EP400: variants seen among roughly 807,000 people sequenced by gnomAD.
EP400 encodes E1A binding protein p400.
A neutral mutation model predicts 354.1 loss-of-function variants in EP400; 105 were observed. The observed-to-expected ratio is 0.30, with a 90% CI of 0.25 to 0.35. The LOEUF is 0.35. Ranked by LOEUF, EP400 falls within the 10% of genes least tolerant of loss-of-function variation. The pLI is 1.00. For missense variants in EP400, 3,280 were observed against 4,121.0 expected, an observed-to-expected ratio of 0.80 and a Z score of 5.59; for synonymous variants, 1,646 against 1,716.9, an observed-to-expected ratio of 0.96 and a Z score of 1.02.
chr12:131,977,750 A>T (rs1892534012), intron 2 of EP400, among the ~76,000 whole-genome samples: 1 of 152,058 alleles, frequency 6.6e-6, no homozygotes, highest in Admixed American at 6.6e-5. Flanking sequence ...GGTTAAATGT[A>T]AACGGCAGTG....
rs1894027263 is a variant in EP400, at chr12:132,018,788, T to A, written c.4277+412T>A. On this transcript the variant is annotated intron_variant, in intron 21 of 52. Transcript: ENST00000389561. The surrounding 1 kb of genome is among the most constrained non-coding windows in gnomAD (Gnocchi z 4.0). Reference sequence around the variant, plus strand: ...GTGAGTGATTCTGAAGTGATGCTTTTGCGGGTGTCATGAGGCTGGGAGGGA... The same window carrying A: ...GTGAGTGATTCTGAAGTGATGCTTTAGCGGGTGTCATGAGGCTGGGAGGGA... 6.6e-6 allele frequency among the ~76,000 whole-genome samples: 1 copy of A among 152,206 alleles called. No individual in the cohort carries two copies. The highest frequency in any genetic ancestry group is 2.1e-4 in the South Asian group (1 of 4,824).
chr12:132,061,005 A>T (rs1355988984), intron 45 of EP400, among the ~76,000 whole-genome samples: 1 of 152,162 alleles, frequency 6.6e-6, no homozygotes, highest in Non-Finnish European at 1.5e-5. Flanking sequence ...ACTGAATGAT[A>T]TGCTTTAAGC....
chr12:132,053,697 T>G, intron 43 of EP400, 100 bp downstream of exon 43: 1 of 1,301,222 alleles, frequency 7.7e-7, no homozygotes, highest in South Asian at 1.7e-5. Context: ...TTGTTGCCAG[T>G]TCTAGCACAT....
intron 29 of EP400, 102 bp from the exon 30 acceptor site, chr12:132,031,851 G>A (rs939644490): frequency 4.8e-5 from 62 of 1,290,840 alleles, no homozygotes; most frequent in African/African-American, 1.8e-4. Flanking sequence ...CGCCACGCCC[G>A]GCCTGCTGTG....
intron 19 of EP400, among the ~76,000 whole-genome samples, chr12:132,016,994 C>A (rs1027521632): frequency 1.3e-5 from 2 of 152,224 alleles, no homozygotes; most frequent in Admixed American, 6.5e-5. Flanking sequence ...GTGCTCACAC[C>A]AGAGAGCTAC....
At chr12:132,048,317 C>T (rs1316265726) in intron 39 of EP400, among the ~76,000 whole-genome samples, 4 of 152,050 alleles carry the variant, frequency 2.6e-5, no homozygotes, top group East Asian at 3.8e-4. Context: ...TAAAGACAGG[C>T]GTAAGAAATT....
Position 132,077,774 on chromosome 12 carries a change from C to T in EP400, c.*101C>T. The T allele has an allele frequency of 3.0e-6, 4 of 1,337,258 alleles. No individual in the cohort carries two copies. The highest frequency in any genetic ancestry group is 1.5e-5 in the South Asian group (1 of 67,028). The allele number at this position is 1,337,258 out of a possible 1,614,324, so 82.8% of individuals were successfully genotyped here. A position where few individuals can be genotyped will look rare whatever the true frequency, so the allele number is the denominator to read the frequency against. On this transcript the variant is annotated 3_prime_UTR_variant, in exon 53 of 53. Transcript: ENST00000389561. Reference sequence around the variant, plus strand: ...GGACCATGTCACGCAAGAGATTCAGCACTGGGAAAGATATAATTGAAACAA... The same window carrying T: ...GGACCATGTCACGCAAGAGATTCAGTACTGGGAAAGATATAATTGAAACAA...
At chr12:132,031,834 T>C in intron 29 of EP400, 119 bp from the exon 30 acceptor site, 2 of 1,003,972 alleles carry the variant, frequency 2.0e-6, no homozygotes, top group Non-Finnish European at 3.0e-6. Context: ...GGATTACAGG[T>C]GTGAGCCGCC....
intron 2 of EP400, among the ~76,000 whole-genome samples, chr12:131,977,338 A>G (rs1427833512): frequency 1.4e-5 from 2 of 147,638 alleles, no homozygotes; most frequent in Non-Finnish European, 3.0e-5. Flanking sequence ...GTAGAGACGG[A>G]GTTTCACCAT....
At position 132,050,758 on chromosome 12, in the gene EP400, T is replaced by G; in HGVS notation, c.7394+103T>G. 2 of 1,423,930 alleles carry G rather than the reference T, an allele frequency of 1.4e-6. No individual in the cohort carries two copies. Among genetic ancestry groups the G allele is most frequent in the South Asian group, 2.3e-5 (2 of 86,580 alleles). 88.2% of individuals were successfully genotyped at this position (1,423,930 alleles called of 1,614,324 possible). On this transcript the variant is annotated intron_variant, in intron 41 of 52. Transcript: ENST00000389561. This position sits in a 1 kb window ranked among gnomAD's most constrained non-coding sequence, Gnocchi z 4.8. Reference sequence around the variant, plus strand: ...GCAAATCGTTGTGCACTTAGCGTGTTCAGGCATCAGCTGGACGTGGCAGTG... The same window carrying G: ...GCAAATCGTTGTGCACTTAGCGTGTGCAGGCATCAGCTGGACGTGGCAGTG...
In EP400 at chr12:132,018,403, A is replaced by G. The variant is rs771228010; in HGVS notation, c.4277+27A>G. On this transcript the variant is annotated intron_variant, in intron 21 of 52. Transcript: ENST00000389561. This position sits in a 1 kb window ranked among gnomAD's most constrained non-coding sequence, Gnocchi z 4.0. ...TGCGTGCGACCCAGAGGCAGCGGGGAGGGTTGGCTCCCAGGGCCCCCACAG... is the reference window on the plus strand; with the variant it reads ...TGCGTGCGACCCAGAGGCAGCGGGGGGGGTTGGCTCCCAGGGCCCCCACAG... 6.4e-7 allele frequency: 1 copy of G among 1,574,414 alleles called. No individual in the cohort carries two copies. Among genetic ancestry groups the G allele is most frequent in the Non-Finnish European group, 8.6e-7 (1 of 1,165,004 alleles).
Position 132,054,874 on chromosome 12 carries a change from G to A in EP400, c.7729-100G>A, listed in dbSNP as rs983835865. On this transcript the variant is annotated intron_variant, in intron 43 of 52. Coordinates refer to ENST00000389561, the MANE Select transcript of EP400 (RefSeq NM_015409.5). This position sits in a 1 kb window ranked among gnomAD's most constrained non-coding sequence, Gnocchi z 4.0. The stretch of plus-strand genomic sequence containing the variant: ...GGACAGGTGGCTGTGTGAATGTCGT[G>A]GAGTTTGGATTTGATTCTGAATGAA... The A allele has an allele frequency of 1.8e-5, 22 of 1,247,402 alleles. No individual in the cohort carries two copies. In the Middle Eastern group the frequency reaches 1.5e-3, roughly 85 times the overall value. 77.3% of individuals were successfully genotyped at this position (1,247,402 alleles called of 1,614,324 possible). A position where few individuals can be genotyped will look rare whatever the true frequency, so the allele number is the denominator to read the frequency against.
At chr12:132,071,985 A>G (rs933650633) in intron 51 of EP400, among the ~76,000 whole-genome samples, 1 of 152,180 alleles carries the variant, frequency 6.6e-6, no homozygotes, top group African/African-American at 2.4e-5. Context: ...GAATCTTGTG[A>G]TGTTCAATCA....
At position 132,080,038 on chromosome 12, in the gene EP400, G is replaced by A. The variant is rs754257481; in HGVS notation, c.*2365G>A. The A allele has an allele frequency of 1.3e-5, 2 of 152,238 alleles. No homozygotes were observed. 9.4% of individuals were successfully genotyped at this position (152,238 alleles called of 1,614,324 possible). On this transcript the variant is annotated 3_prime_UTR_variant, in exon 53 of 53. Coordinates refer to ENST00000389561, the MANE Select transcript of EP400 (RefSeq NM_015409.5). ...ATCTGGGTTCATTCCAATACGGCAA[G>A]TAAGAGTTGGAAACTTTGAGAACAC...
chr12:132,021,217 C>T lies in EP400; in HGVS notation c.4586C>T (p.Pro1529Leu), dbSNP rs771449373. ...CAGACCACAGCACAGGCCTCCACCC[C>T]AGGCCAGCCCCCGCCCCAGCCCCAG... is the stretch of plus-strand genomic sequence containing the variant. ...RAQTTAQAST[P>L]GQPPPQPQAP... Residue 1529 changes from proline (P) to leucine (L), a missense_variant, in exon 23 of 53, where the codon CCA becomes CTA. Coordinates refer to ENST00000389561, the MANE Select transcript of EP400 (RefSeq NM_015409.5). 2 of 1,594,176 alleles carry T rather than the reference C, an allele frequency of 1.3e-6. No individual in the cohort carries two copies. The highest frequency in any genetic ancestry group is 1.1e-5 in the South Asian group (1 of 90,422).
At chr12:132,006,421 C>T (rs1296550604) in intron 14 of EP400, 119 bp downstream of exon 14, 4 of 1,236,672 alleles carry the variant, frequency 3.2e-6, no homozygotes, top group Non-Finnish European at 4.4e-6. Flanking sequence ...GCAGAGTTGT[C>T]AGAAAAAGCA....
intron 37 of EP400, 78 bp from the exon 38 acceptor site, chr12:132,045,241 C>G: frequency 6.4e-7 from 1 of 1,572,848 alleles, no homozygotes; most frequent in Non-Finnish European, 8.6e-7. Context: ...ACTTGCCTGA[C>G]CTGTTTCCTT....
At chr12:131,956,180 T>C (rs1030406792) in intron 1 of EP400, among the ~76,000 whole-genome samples, 1 of 152,160 alleles carries the variant, frequency 6.6e-6, no homozygotes, top group Admixed American at 6.6e-5. Context: ...ATCTTGCACC[T>C]GAGACTCAAC....
intron 12 of EP400, among the ~76,000 whole-genome samples, chr12:132,004,457 A>G (rs1893515911): frequency 6.6e-6 from 1 of 152,068 alleles, no homozygotes; most frequent in South Asian, 2.1e-4. Flanking sequence ...ATGTTTTATT[A>G]TACTTTTTAA....
Sources: allele counts gnomAD v4.1 joint callset (sites outside exome capture counted in the v4.1 genomes callset), GRCh38; gene constraint gnomAD v4.1.1; non-coding constraint Gnocchi (gnomAD v3.1); transcripts MANE v1.5; gene names NCBI Gene and HGNC (gene_info 2026-07-23, HGNC 2026-07-21).